The following MARCHF1 variants were observed in gnomAD, a reference collection of about 807,000 sequenced individuals.
MARCHF1 encodes the protein E3 ubiquitin-protein ligase MARCHF1.
In MARCHF1, 40 loss-of-function variants were observed where a neutral mutation model predicts 54.2. The ratio of observed to expected loss-of-function variants is 0.74; its 90% CI spans 0.57 to 0.96. The LOEUF is 0.96. Ranked by LOEUF, MARCHF1 falls within the 40% of genes least tolerant of loss-of-function variation. The pLI, the probability that MARCHF1 is intolerant of heterozygous loss-of-function variation, is 0.00. For synonymous variants in MARCHF1, 236 were observed against 236.3 expected, an observed-to-expected ratio of 1.00 and a Z score of 0.01; for missense variants, 586 against 656.5, an observed-to-expected ratio of 0.89 and a Z score of 1.17.
intron 5 of MARCHF1, among the ~76,000 whole-genome samples, chr4:163,659,558 C>A (rs1743270349): frequency 1.3e-5 from 2 of 152,062 alleles, no homozygotes; most frequent in Non-Finnish European, 2.9e-5. Context: ...CAAATGGGAT[C>A]TAATTAAACT....
intron 1 of MARCHF1, among the ~76,000 whole-genome samples, chr4:164,297,729 T>C (rs1579699112): frequency 6.6e-6 from 1 of 152,174 alleles, no homozygotes; most frequent in Non-Finnish European, 1.5e-5. Context: ...TTGATAAATA[T>C]ACCCATGGTT....
intron 9 of MARCHF1, among the ~76,000 whole-genome samples, chr4:163,538,963 G>A (rs1738628594): frequency 6.6e-6 from 1 of 152,108 alleles, no homozygotes; most frequent in South Asian, 2.1e-4. Flanking sequence ...GAAACTTTAA[G>A]TGTGTTTGCA....
intron 4 of MARCHF1, among the ~76,000 whole-genome samples, chr4:163,760,164 C>G (rs986744098): frequency 1.3e-5 from 2 of 152,162 alleles, no homozygotes; most frequent in Non-Finnish European, 2.9e-5. Context: ...GCCTGTGTCT[C>G]CCTTCCATCT....
chr4:164,070,586 T>C (rs1754841212), intron 2 of MARCHF1, among the ~76,000 whole-genome samples: 1 of 152,196 alleles, frequency 6.6e-6, no homozygotes, highest in Admixed American at 6.5e-5. Context: ...TGGTTTCTCC[T>C]TTCCCTCTGA....
At position 164,283,882 on chromosome 4, in the gene MARCHF1, A is replaced by G. The variant is rs1191006533; in HGVS notation, c.-323+99988T>C. 2.0e-5 allele frequency among the ~76,000 whole-genome samples: 3 copies of G among 151,042 alleles called. 1 individual carries two copies. The highest frequency in any genetic ancestry group is 4.4e-5 in the Non-Finnish European group (3 of 67,974). The stretch of plus-strand genomic sequence containing the variant: ...TTTCATTTCTGATTTGATCTAATGT[A>G]TTCTATTTATCCACATGAGGTTATT... On this transcript the variant is annotated intron_variant, in intron 1 of 9. Coordinates refer to ENST00000514618, the MANE Select transcript of MARCHF1 (RefSeq NM_001394959.1).
intron 5 of MARCHF1, among the ~76,000 whole-genome samples, chr4:163,700,240 C>T (rs537911661): frequency 1.9e-4 from 29 of 152,172 alleles, no homozygotes; most frequent in African/African-American, 6.5e-4. Flanking sequence ...GACATGGTGG[C>T]TCACTCCTGT....
chr4:164,311,548 T>C (rs1318982277), intron 1 of MARCHF1, among the ~76,000 whole-genome samples: 1 of 152,174 alleles, frequency 6.6e-6, no homozygotes, highest in African/African-American at 2.4e-5. Flanking sequence ...AATACGACAT[T>C]TAAAAAGAAA....
At chr4:163,631,395 GTTGGCCAGGCTGGTC>G (rs918235182) in intron 5 of MARCHF1, among the ~76,000 whole-genome samples, 13 of 152,098 alleles carry the variant, frequency 8.5e-5, no homozygotes, top group African/African-American at 2.9e-4. Context: ...CTTTCACCGT[GTTGGCCAGGCTGGTC>G]TTGAATTCCT....
intron 1 of MARCHF1, among the ~76,000 whole-genome samples, chr4:164,266,061 G>A (rs1219963821): frequency 6.6e-6 from 1 of 152,162 alleles, no homozygotes; most frequent in Non-Finnish European, 1.5e-5. Context: ...ATAGTGCCTG[G>A]AATATGCAGT....
chr4:163,550,296 A>AG (rs1553991105), intron 8 of MARCHF1, among the ~76,000 whole-genome samples: 15 of 148,320 alleles, frequency 1.0e-4, no homozygotes, highest in Admixed American at 5.7e-4. Flanking sequence ...AAAAAAAAAA[A>AG]AAAAGAAAAG....
At chr4:164,217,147 C>T (rs144692296) in intron 1 of MARCHF1, among the ~76,000 whole-genome samples, 4 of 152,262 alleles carry the variant, frequency 2.6e-5, no homozygotes, top group Admixed American at 2.0e-4. Context: ...TGCTGTTGAA[C>T]ATGATGCAGC....
intron 4 of MARCHF1, among the ~76,000 whole-genome samples, chr4:163,772,646 T>C (rs952671548): frequency 6.6e-6 from 1 of 152,194 alleles, no homozygotes; most frequent in African/African-American, 2.4e-5. Flanking sequence ...AAGTCAGCAA[T>C]AGTTCATTGA....
At chr4:164,139,755 T>C (rs1756482226) in intron 1 of MARCHF1, among the ~76,000 whole-genome samples, 1 of 152,182 alleles carries the variant, frequency 6.6e-6, no homozygotes, top group Non-Finnish European at 1.5e-5. Flanking sequence ...GTTAAAGAAC[T>C]AAAATTTAAA....
At chr4:164,131,076 A>G (rs542496235) in intron 1 of MARCHF1, among the ~76,000 whole-genome samples, 1 of 152,250 alleles carries the variant, frequency 6.6e-6, no homozygotes, top group African/African-American at 2.4e-5. Flanking sequence ...GTATCAATAA[A>G]TGTGTATGTA....
chr4:164,059,748 T>C (rs1350934863), intron 2 of MARCHF1, among the ~76,000 whole-genome samples: 9 of 152,190 alleles, frequency 5.9e-5, no homozygotes, highest in African/African-American at 1.7e-4. Flanking sequence ...CTGAGTATCA[T>C]ACAATGTGAA....
chr4:163,766,313 C>G (rs1022649207), intron 4 of MARCHF1, among the ~76,000 whole-genome samples: 4 of 151,926 alleles, frequency 2.6e-5, no homozygotes, highest in African/African-American at 9.7e-5. Context: ...GTAAAAGATC[C>G]AGAAGTCCTA....
At chr4:163,726,023 G>A (rs1238545591) in intron 4 of MARCHF1, among the ~76,000 whole-genome samples, 1 of 151,934 alleles carries the variant, frequency 6.6e-6, no homozygotes, top group Non-Finnish European at 1.5e-5. Context: ...AACAGTTTTA[G>A]GTATAGAGAT....
intron 1 of MARCHF1, among the ~76,000 whole-genome samples, chr4:164,281,720 A>G (rs1734031080): frequency 6.6e-6 from 1 of 152,170 alleles, no homozygotes; most frequent in East Asian, 1.9e-4. Flanking sequence ...TCAAAGCTTT[A>G]TCATCAGGGT....
chr4:164,016,300 C>A (rs563713128), intron 2 of MARCHF1, among the ~76,000 whole-genome samples: 1 of 152,032 alleles, frequency 6.6e-6, no homozygotes, highest in Non-Finnish European at 1.5e-5. Context: ...GGGAAGAGCC[C>A]CTTATAAAGC....
Sources: allele counts gnomAD v4.1 joint callset (sites outside exome capture counted in the v4.1 genomes callset), GRCh38; gene constraint gnomAD v4.1.1; transcripts MANE v1.5; gene names NCBI Gene and HGNC (gene_info 2026-07-23, HGNC 2026-07-21).